TMEM181: variants seen among roughly 807,000 people sequenced by gnomAD.
The protein encoded by TMEM181 is transmembrane protein 181, also known as G protein-coupled receptor 178.
A neutral mutation model predicts 71.9 loss-of-function variants in TMEM181; 39 were observed. The observed-to-expected ratio is 0.54, with a 90% confidence interval of 0.42 to 0.71. TMEM181 has a LOEUF of 0.71. Among genes scored for constraint, TMEM181 ranks in the 30% least tolerant of loss-of-function variants. TMEM181 has a pLI of 0.00. For synonymous variants in TMEM181, 245 were observed against 228.8 expected, an observed-to-expected ratio of 1.07 and a Z score of -0.64; for missense variants, 595 against 583.0, an observed-to-expected ratio of 1.02 and a Z score of -0.21.
intron 3 of TMEM181, among the ~76,000 whole-genome samples, chr6:158,581,458 A>G (rs1582980841): frequency 6.6e-6 from 1 of 152,202 alleles, no homozygotes; most frequent in South Asian, 2.1e-4. Context: ...CCTTTAAAAA[A>G]TACACCTTAA....
At chr6:158,590,960 G>A (rs1270702298) in intron 6 of TMEM181, among the ~76,000 whole-genome samples, 4 of 152,180 alleles carry the variant, frequency 2.6e-5, no homozygotes, top group African/African-American at 9.7e-5. Flanking sequence ...CACAACGTGT[G>A]GTCTTCGGTG....
At chr6:158,568,512 A>G (rs573036574) in intron 1 of TMEM181, among the ~76,000 whole-genome samples, 1 of 152,248 alleles carries the variant, frequency 6.6e-6, no homozygotes, top group South Asian at 2.1e-4. Context: ...GCCTGGGGTC[A>G]GGGACCCCCA....
intron 9 of TMEM181, 72 bp downstream of exon 9, chr6:158,608,535 C>T (rs1396472489): frequency 4.3e-6 from 7 of 1,609,492 alleles, no homozygotes; most frequent in Non-Finnish European, 5.9e-6. Context: ...CTGAGGACAG[C>T]CCAGAAAGGT....
chr6:158,540,391 A>T (rs78492818), intron 1 of TMEM181, among the ~76,000 whole-genome samples: 1 of 152,214 alleles, frequency 6.6e-6, no homozygotes, highest in African/African-American at 2.4e-5. Context: ...AAATGCATAC[A>T]TGGGGCCATC....
intron 7 of TMEM181, among the ~76,000 whole-genome samples, 196 bp downstream of exon 7, chr6:158,605,543 G>A: frequency 6.6e-6 from 1 of 152,196 alleles, no homozygotes; most frequent in East Asian, 1.9e-4. Context: ...GTGGTATCAT[G>A]TATTCAGGAT....
intron 2 of TMEM181, among the ~76,000 whole-genome samples, chr6:158,575,236 G>A (rs916116688): frequency 1.3e-5 from 2 of 152,178 alleles, no homozygotes; most frequent in Admixed American, 6.5e-5. Context: ...ATGTGATAAG[G>A]TTATTACTAT....
At chr6:158,592,062 C>T (rs945351685) in intron 6 of TMEM181, among the ~76,000 whole-genome samples, 5 of 152,160 alleles carry the variant, frequency 3.3e-5, no homozygotes, top group African/African-American at 1.2e-4. Flanking sequence ...TCTGGTGGCA[C>T]TCTTCAGCAT....
intron 10 of TMEM181, among the ~76,000 whole-genome samples, chr6:158,616,870 T>C (rs2128323607): frequency 6.6e-6 from 1 of 152,368 alleles, no homozygotes; most frequent in East Asian, 1.9e-4. Context: ...TTTGATGTGC[T>C]GCTGGATTCG....
chr6:158,627,050 TTC>T (rs1234983520), intron 13 of TMEM181, among the ~76,000 whole-genome samples: 48 of 114,800 alleles, frequency 4.2e-4, no homozygotes, highest in African/African-American at 1.6e-3. Flanking sequence ...CACACCCTCA[TTC>T]TCACACCCTC....
intron 6 of TMEM181, 120 bp from the exon 7 acceptor site, chr6:158,605,146 GT>G: frequency 1.7e-6 from 1 of 587,740 alleles, no homozygotes; most frequent in Non-Finnish European, 3.0e-6. Flanking sequence ...GTGTGTGTGT[GT>G]GTGTGTGTGT....
Position 158,570,738 on chromosome 6 carries a change from C to T in TMEM181, c.9-2682C>T, listed in dbSNP as rs184523084. Among the ~76,000 whole-genome samples the T allele has an allele frequency of 4.9e-3, 746 of 151,402 alleles. 6 individuals carry two copies. Among genetic ancestry groups the T allele is most frequent in the Non-Finnish European group, 8.2e-3 (557 of 67,808 alleles). ...CAGGGGGGCACTTCACATAACCTGGCGCATTTATCAAAATGAAGACGTTGA... is the reference window on the plus strand; with the variant it reads ...CAGGGGGGCACTTCACATAACCTGGTGCATTTATCAAAATGAAGACGTTGA... On this transcript the variant is annotated intron_variant, in intron 1 of 16. Coordinates refer to ENST00000684151, the MANE Select transcript of TMEM181 (RefSeq NM_001376852.1).
chr6:158,612,859 T>G (rs955935325), intron 10 of TMEM181, among the ~76,000 whole-genome samples: 1 of 152,236 alleles, frequency 6.6e-6, no homozygotes, highest in Admixed American at 6.5e-5. Context: ...ATAGTCCTAC[T>G]GCAAATAGTC....
At chr6:158,547,856 C>T (rs535919363) in intron 1 of TMEM181, among the ~76,000 whole-genome samples, 26 of 144,700 alleles carry the variant, frequency 1.8e-4, no homozygotes, top group Non-Finnish European at 2.2e-4. Flanking sequence ...CATTGCACTC[C>T]GGCCTGGGCA....
At chr6:158,614,296 T>C (rs1005017931) in intron 10 of TMEM181, among the ~76,000 whole-genome samples, 2 of 152,220 alleles carry the variant, frequency 1.3e-5, no homozygotes, top group African/African-American at 4.8e-5. Flanking sequence ...AATAGAACTT[T>C]AGATTACCAT....
intron 13 of TMEM181, among the ~76,000 whole-genome samples, chr6:158,627,092 CCCT>C (rs1236662653): frequency 3.5e-5 from 4 of 112,950 alleles, no homozygotes; most frequent in African/African-American, 1.2e-4. Context: ...CTCACCCTCA[CCCT>C]CGTTTTCACC....
At chr6:158,608,786 G>GA (rs1785116157) in intron 10 of TMEM181, 36 bp downstream of exon 10, 1 of 1,591,800 alleles carries the variant, frequency 6.3e-7, no homozygotes, top group Non-Finnish European at 8.6e-7. Flanking sequence ...CTTCAGTCAT[G>GA]AAAAGCATTT....
Position 158,589,682 on chromosome 6 carries a change from A to C in TMEM181, c.392A>C (p.Glu131Ala). ...RTLTCAGKCAEIIVAHLGYLN... is the reference protein window; with the variant it reads ...RTLTCAGKCAAIIVAHLGYLN... ...TCTGTGTATTTGCAGAAATGTGCGGAGATTATTGTGGCTCACCTTGGCTAC... is the reference window on the plus strand; with the variant it reads ...TCTGTGTATTTGCAGAAATGTGCGGCGATTATTGTGGCTCACCTTGGCTAC... Residue 131 changes from glutamate (E) to alanine (A), a missense_variant, in exon 6 of 17, where the codon GAG becomes GCG. Coordinates refer to ENST00000684151, the MANE Select transcript of TMEM181 (RefSeq NM_001376852.1). 1.2e-6 allele frequency: 2 copies of C among 1,613,920 alleles called. No homozygotes were observed. Among genetic ancestry groups the C allele is most frequent in the Non-Finnish European group, 8.5e-7 (1 of 1,179,874 alleles).
chr6:158,629,180 C>T (rs555685031), intron 14 of TMEM181, among the ~76,000 whole-genome samples: 1 of 152,122 alleles, frequency 6.6e-6, no homozygotes, highest in Non-Finnish European at 1.5e-5. Flanking sequence ...CCTTTAGATC[C>T]TGGGTTCTTT....
At chr6:158,629,580 G>C (rs1175946133) in intron 14 of TMEM181, 150 bp from the exon 15 acceptor site, 2 of 619,168 alleles carry the variant, frequency 3.2e-6, no homozygotes, top group Non-Finnish European at 5.7e-6. Context: ...TTGAACTGTG[G>C]AGTCCTGACG....
Sources: gnomAD v4.1 joint callset for allele counts (sites outside exome capture counted in the v4.1 genomes callset) on GRCh38, gnomAD v4.1.1 for gene constraint, MANE v1.5 for transcripts, NCBI Gene and HGNC (gene_info 2026-07-23, HGNC 2026-07-21) for gene names.